Variants in MED27 observed in about 807,000 individuals in gnomAD.
The protein encoded by MED27 is mediator of RNA polymerase II transcription subunit 27.
In MED27, 30 loss-of-function variants were observed where a neutral mutation model predicts 38.2. That is an observed-to-expected ratio of 0.79 (90% CI 0.59 to 1.07). The LOEUF is 1.07. Among genes scored for constraint, MED27 ranks in the 50% least tolerant of loss-of-function variants. The pLI is 0.00. For synonymous variants in MED27, 122 were observed against 153.5 expected, an observed-to-expected ratio of 0.79 and a Z score of 1.52; for missense variants, 289 against 397.5, an observed-to-expected ratio of 0.73 and a Z score of 2.32.
intron 4 of MED27, among the ~76,000 whole-genome samples, chr9:131,920,717 T>C (rs1830374976): frequency 6.6e-6 from 1 of 151,546 alleles, no homozygotes; most frequent in Non-Finnish European, 1.5e-5. Context: ...CCTTGAAGAC[T>C]AGGAGGAATG....
chr9:132,029,237 CA>C (rs1832896094), intron 2 of MED27, among the ~76,000 whole-genome samples: 1 of 152,160 alleles, frequency 6.6e-6, no homozygotes, highest in Non-Finnish European at 1.5e-5. Context: ...ACTCTAGTAC[CA>C]AGTTACTTGA....
intron 2 of MED27, among the ~76,000 whole-genome samples, chr9:132,049,231 C>A (rs1833409820): frequency 6.6e-6 from 1 of 152,156 alleles, no homozygotes; most frequent in African/African-American, 2.4e-5. Context: ...AAAACTTCAA[C>A]CTCAGCAGGA....
At position 131,917,509 on chromosome 9, in the gene MED27, C is replaced by T. The variant is rs938878129; in HGVS notation, c.573+21872G>A. 1.3e-5 allele frequency among the ~76,000 whole-genome samples: 2 copies of T among 151,540 alleles called. No homozygotes were observed. The highest frequency in any genetic ancestry group is 2.9e-5 in the Non-Finnish European group (2 of 67,966). On this transcript the variant is annotated intron_variant, in intron 4 of 7. Transcript: ENST00000292035. This position sits in a 1 kb window ranked among gnomAD's most constrained non-coding sequence, Gnocchi z 4.6. ...CAGGTAGACCAGGAGACCAATGAGA[C>T]GGCTGGAGCAAGGGTTCAGACGACA...
intron 6 of MED27, among the ~76,000 whole-genome samples, chr9:131,882,933 G>C (rs1274311678): frequency 2.0e-5 from 3 of 150,798 alleles, no homozygotes; most frequent in African/African-American, 7.3e-5. Context: ...TTTTGAGATG[G>C]AGTCTCATCT....
Position 131,872,365 on chromosome 9 carries a change from T to A in MED27, c.724-9225A>T, listed in dbSNP as rs1233974430. On this transcript the variant is annotated intron_variant, in intron 6 of 7. Transcript: ENST00000292035. The surrounding 1 kb of genome is among the most constrained non-coding windows in gnomAD (Gnocchi z 5.6). Reference sequence around the variant, plus strand: ...AGGCCAAGCTAGAAGAGCGGGCGCCTCTACTATTCGGAGTATTTCCTCACA... The same window carrying A: ...AGGCCAAGCTAGAAGAGCGGGCGCCACTACTATTCGGAGTATTTCCTCACA... Among the ~76,000 whole-genome samples, 1 of 152,228 alleles carries A rather than the reference T, an allele frequency of 6.6e-6. No homozygotes were observed. Among genetic ancestry groups the A allele is most frequent in the Non-Finnish European group, 1.5e-5 (1 of 68,042 alleles).
intron 2 of MED27, among the ~76,000 whole-genome samples, chr9:132,019,965 CAT>C (rs918500418): frequency 3.9e-5 from 6 of 152,178 alleles, no homozygotes; most frequent in African/African-American, 1.4e-4. Flanking sequence ...TGACTCCAGT[CAT>C]GTGTTAGGTG....
At chr9:131,927,234 A>G (rs1830499032) in intron 4 of MED27, among the ~76,000 whole-genome samples, 1 of 152,238 alleles carries the variant, frequency 6.6e-6, no homozygotes, top group Admixed American at 6.5e-5. Flanking sequence ...CAGCACCACA[A>G]TGTATTTAAA....
At chr9:131,900,249 T>G (rs1477974825) in intron 4 of MED27, among the ~76,000 whole-genome samples, 1 of 152,240 alleles carries the variant, frequency 6.6e-6, no homozygotes, top group East Asian at 1.9e-4. Flanking sequence ...TCAGCTGCAC[T>G]CTGGGCAGCG....
chr9:131,944,475 G>A (rs1830844979), intron 3 of MED27, among the ~76,000 whole-genome samples: 1 of 151,794 alleles, frequency 6.6e-6, no homozygotes, highest in African/African-American at 2.4e-5. Flanking sequence ...GTCCATGAAT[G>A]GACTTTATAA....
At chr9:131,972,860 C>CA (rs1831510954) in intron 3 of MED27, among the ~76,000 whole-genome samples, 1 of 152,114 alleles carries the variant, frequency 6.6e-6, no homozygotes, top group Non-Finnish European at 1.5e-5. Context: ...CCACCCTGGC[C>CA]AACATGGTGA....
intron 5 of MED27, among the ~76,000 whole-genome samples, chr9:131,888,116 T>C (rs907800074): frequency 2.6e-5 from 4 of 152,110 alleles, no homozygotes; most frequent in African/African-American, 9.7e-5. Flanking sequence ...GGTGATTCTG[T>C]CTGCAATGCT....
intron 3 of MED27, among the ~76,000 whole-genome samples, chr9:131,989,856 T>C (rs1831933359): frequency 6.6e-6 from 1 of 151,988 alleles, no homozygotes; most frequent in Admixed American, 6.5e-5. Context: ...ATGATATAGC[T>C]GTACTCAAAC....
chr9:131,977,738 GAAT>G (rs1252203415), intron 3 of MED27, among the ~76,000 whole-genome samples: 2 of 152,158 alleles, frequency 1.3e-5, no homozygotes, highest in African/African-American at 4.8e-5. Context: ...TTCATTTCAA[GAAT>G]AATTAGAAAA....
chr9:132,010,318 A>G (rs1354621242), intron 3 of MED27, among the ~76,000 whole-genome samples: 1 of 152,260 alleles, frequency 6.6e-6, no homozygotes, highest in Non-Finnish European at 1.5e-5. Flanking sequence ...AATGCAAATC[A>G]AAACCACAAT....
chr9:131,950,733 T>C (rs975811826), intron 3 of MED27, among the ~76,000 whole-genome samples: 1 of 152,220 alleles, frequency 6.6e-6, no homozygotes, highest in Non-Finnish European at 1.5e-5. Context: ...GTAAGTTTGA[T>C]AGTCATTCAT....
At chr9:131,942,453 G>A (rs190492505) in intron 3 of MED27, among the ~76,000 whole-genome samples, 5 of 152,200 alleles carry the variant, frequency 3.3e-5, no homozygotes, top group East Asian at 1.9e-4. Context: ...AGTTTCTTCC[G>A]ACTCAGCAGG....
intron 6 of MED27, among the ~76,000 whole-genome samples, chr9:131,867,182 C>T (rs905475256): frequency 5.3e-5 from 8 of 152,150 alleles, no homozygotes; most frequent in East Asian, 1.9e-4. Flanking sequence ...TGAGAAGGAC[C>T]GCCATTCTGA....
At chr9:131,894,833 G>A (rs944213668) in intron 4 of MED27, among the ~76,000 whole-genome samples, 2 of 152,050 alleles carry the variant, frequency 1.3e-5, no homozygotes, top group Non-Finnish European at 2.9e-5. Flanking sequence ...GCCTAGTGGG[G>A]GGTGTTTGGG....
chr9:131,883,945 G>T lies in MED27; in HGVS notation c.723+113C>A. ...AATCAGACAGTGAGCATCCTTTTCT[G>T]TCTGGCTTTTTTCACTTTTTCAAAA... On this transcript the variant is annotated intron_variant, in intron 6 of 7. Transcript: ENST00000292035. The surrounding 1 kb of genome is among the most constrained non-coding windows in gnomAD (Gnocchi z 4.2). 1 of 895,994 alleles carries T rather than the reference G, an allele frequency of 1.1e-6. No individual in the cohort carries two copies. The highest frequency in any genetic ancestry group is 1.7e-6 in the Non-Finnish European group (1 of 576,024). 55.5% of individuals were successfully genotyped at this position (895,994 alleles called of 1,614,324 possible).
Sources: allele counts gnomAD v4.1 joint callset (sites outside exome capture counted in the v4.1 genomes callset), GRCh38; gene constraint gnomAD v4.1.1; non-coding constraint Gnocchi (gnomAD v3.1); transcripts MANE v1.5; gene names NCBI Gene and HGNC (gene_info 2026-07-23, HGNC 2026-07-21).